Variants in SIPA1L2 observed in about 807,000 individuals in gnomAD.
SIPA1L2 encodes the protein signal induced proliferation associated 1 like 2.
SIPA1L2 carries 56 observed loss-of-function variants against 163.9 expected under a neutral mutation model. That is an observed-to-expected ratio of 0.34 (90% CI 0.28 to 0.43). The LOEUF (loss-of-function observed/expected upper bound fraction) is 0.43, where lower values mean the gene tolerates loss of function less well. Among genes scored for constraint, SIPA1L2 ranks in the 20% least tolerant of loss-of-function variants. The probability of loss-of-function intolerance (pLI) is 1.00; values close to 1 mark genes in which losing one functional copy is unlikely to be tolerated. For synonymous variants in SIPA1L2, 877 were observed against 865.7 expected (o/e 1.01, Z -0.23); for missense variants, 1,974 against 2,193.5 (o/e 0.90, Z 2.00).
At chr1:232,630,153 C>T (rs1251781065), upstream of SIPA1L2, among the ~76,000 whole-genome samples, 4 of 151,538 alleles carry the variant, frequency 2.6e-5, no homozygotes, top group East Asian at 7.8e-4. Context: ...GCTCCCGATG[C>T]CACCGCCCGC....
At chr1:232,608,063 A>C (rs956014932) in intron 1 of SIPA1L2, among the ~76,000 whole-genome samples, 10 of 151,082 alleles carry the variant, frequency 6.6e-5, no homozygotes, top group Non-Finnish European at 8.9e-5. Flanking sequence ...AAAAAAAAAA[A>C]AAAAAACGAG....
At chr1:232,463,125 A>T (rs1234614257) in intron 9 of SIPA1L2, among the ~76,000 whole-genome samples, 4 of 152,190 alleles carry the variant, frequency 2.6e-5, no homozygotes, top group Admixed American at 6.5e-5. Flanking sequence ...GCATTCAACC[A>T]AGCACGAACT....
At chr1:232,472,461 A>C (rs960826150) in intron 7 of SIPA1L2, among the ~76,000 whole-genome samples, 1 of 152,248 alleles carries the variant, frequency 6.6e-6, no homozygotes, top group Non-Finnish European at 1.5e-5. Flanking sequence ...TTTGTTTAAC[A>C]AATAAATAAT....
intron 19 of SIPA1L2, among the ~76,000 whole-genome samples, chr1:232,415,064 G>T (rs933827403): frequency 6.6e-6 from 1 of 152,204 alleles, no homozygotes; most frequent in Admixed American, 6.5e-5. Flanking sequence ...CTGTGTTTAC[G>T]CCAGGTGAAC....
intron 1 of SIPA1L2, among the ~76,000 whole-genome samples, chr1:232,621,856 A>C (rs1662828663): frequency 6.6e-6 from 1 of 151,544 alleles, no homozygotes; most frequent in South Asian, 2.1e-4. Context: ...CAGCCTCCCC[A>C]GTGGCTAGGT....
At chr1:232,537,853 T>C (rs1169675778) in intron 2 of SIPA1L2, among the ~76,000 whole-genome samples, 2 of 152,234 alleles carry the variant, frequency 1.3e-5, no homozygotes, top group Non-Finnish European at 2.9e-5. Flanking sequence ...TCCACAGTTA[T>C]TATTGTTCAT....
intron 2 of SIPA1L2, among the ~76,000 whole-genome samples, chr1:232,564,148 TCGTGTGTGTG>T (rs1407165425): frequency 4.1e-4 from 10 of 24,128 alleles, no homozygotes; most frequent in Non-Finnish European, 5.9e-4. Context: ...TTTTTTTTTT[TCGTGTGTGTG>T]TGTGTGTGTG....
chr1:232,428,247 C>A (rs1171220610), intron 17 of SIPA1L2, among the ~76,000 whole-genome samples, 164 bp downstream of exon 17: 3 of 151,418 alleles, frequency 2.0e-5, no homozygotes, highest in African/African-American at 7.3e-5. Context: ...CATACTGATA[C>A]AATCAAAATT....
intron 1 of SIPA1L2, among the ~76,000 whole-genome samples, chr1:232,607,898 A>C (rs924327765): frequency 1.4e-4 from 21 of 151,868 alleles, no homozygotes; most frequent in Non-Finnish European, 2.6e-4. Context: ...TCTACTAAAA[A>C]TACAAAATTA....
intron 18 of SIPA1L2, chr1:232,416,009 C>T (rs28421444): frequency 4.7e-6 from 1 of 212,984 alleles, no homozygotes; most frequent in Non-Finnish European, 8.3e-6. Context: ...AACACGGGCA[C>T]CACTGTCCCT....
At chr1:232,572,382 G>A (rs1261350777) in intron 2 of SIPA1L2, among the ~76,000 whole-genome samples, 7 of 152,030 alleles carry the variant, frequency 4.6e-5, no homozygotes, top group Admixed American at 3.9e-4. Context: ...TATCTCCCTC[G>A]TTTTACTTCC....
chr1:232,593,830 C>T (rs987679528), intron 1 of SIPA1L2, among the ~76,000 whole-genome samples: 3 of 152,184 alleles, frequency 2.0e-5, no homozygotes, highest in African/African-American at 7.2e-5. Flanking sequence ...CACCTTTCAG[C>T]AAATGGTTGT....
intron 2 of SIPA1L2, among the ~76,000 whole-genome samples, chr1:232,536,692 A>G (rs1657327112): frequency 6.6e-6 from 1 of 152,176 alleles, no homozygotes; most frequent in African/African-American, 2.4e-5. Context: ...TAAGTCTAAT[A>G]AGCTCCTTCT....
chr1:232,404,700 G>A (rs1321577241), intron 19 of SIPA1L2, among the ~76,000 whole-genome samples: 3 of 152,180 alleles, frequency 2.0e-5, no homozygotes, highest in East Asian at 3.9e-4. Flanking sequence ...AAGAATGGGC[G>A]CCAGACTGGC....
rs1305270146 is a variant in SIPA1L2, at chr1:232,572,662, C to CATAT, written c.-270+1508_-270+1511dup. Among the ~76,000 whole-genome samples, 3 of 99,120 alleles carry CATAT rather than the reference C, an allele frequency of 3.0e-5. 1 individual carries two copies. Among genetic ancestry groups the CATAT allele is most frequent in the African/African-American group, 1.0e-4 (3 of 29,112 alleles). The allele number at this position is 99,120 out of a possible 152,430, so 65.0% of individuals were successfully genotyped here. A position where few individuals can be genotyped will look rare whatever the true frequency, so the allele number is the denominator to read the frequency against. The stretch of plus-strand genomic sequence containing the variant: ...CAGTTTAAATGTTTATCGTCAAATA[C>CATAT]ATATATATATATATACACACACATA... On this transcript the variant is annotated intron_variant, in intron 2 of 22. Transcript: ENST00000674635.
intron 2 of SIPA1L2, among the ~76,000 whole-genome samples, chr1:232,552,080 T>A (rs1374221910): frequency 6.6e-6 from 1 of 152,136 alleles, no homozygotes; most frequent in East Asian, 1.9e-4. Context: ...CCTCAGGCGA[T>A]CCACCCACCT....
At chr1:232,621,736 A>AT (rs56266753) in intron 1 of SIPA1L2, among the ~76,000 whole-genome samples, 1,565 of 146,276 alleles carry the variant, frequency 0.011, 17 homozygotes, top group Non-Finnish European at 0.016. Context: ...CATTTAAAAC[A>AT]TTTTTTTTTT....
In SIPA1L2 at chr1:232,404,064, A is replaced by G. The variant is rs187833444; in HGVS notation, c.4816+61T>C. 8.8e-6 allele frequency: 14 copies of G among 1,586,296 alleles called. No individual in the cohort carries two copies. The Admixed American group carries it at 1.0e-4, about 11-fold the overall frequency. Reference sequence around the variant, plus strand: ...AATAACCATGCAGACGTGCAGACACATGAAATATACAGAAAAGGTTACAGG... The same window carrying G: ...AATAACCATGCAGACGTGCAGACACGTGAAATATACAGAAAAGGTTACAGG... On this transcript the variant is annotated intron_variant, in intron 20 of 22. Coordinates refer to ENST00000674635, the MANE Select transcript of SIPA1L2 (RefSeq NM_020808.5).
chr1:232,615,048 T>C (rs1662429371), intron 1 of SIPA1L2, among the ~76,000 whole-genome samples: 1 of 152,216 alleles, frequency 6.6e-6, no homozygotes, highest in Non-Finnish European at 1.5e-5. Flanking sequence ...ACTGTGGATG[T>C]TATGAGGTGA....
Sources: allele counts gnomAD v4.1 joint callset (sites outside exome capture counted in the v4.1 genomes callset), GRCh38; gene constraint gnomAD v4.1.1; transcripts MANE v1.5; gene names NCBI Gene and HGNC (gene_info 2026-07-23, HGNC 2026-07-21).